PDRG1: variants seen among roughly 807,000 people sequenced by gnomAD.
PDRG1 encodes p53 and DNA damage regulated 1, also known as p53 and DNA damage-regulated protein 1.
PDRG1 carries 14 observed loss-of-function variants against 18.4 expected under a neutral mutation model. The observed-to-expected ratio is 0.76, with a 90% CI of 0.50 to 1.19. The LOEUF is 1.19. Among genes scored for constraint, PDRG1 ranks in the 50% most tolerant of loss-of-function variants. The pLI is 0.00. For missense variants in PDRG1, 177 were observed against 160.1 expected, an observed-to-expected ratio of 1.11 and a Z score of -0.57; for synonymous variants, 65 against 60.9, an observed-to-expected ratio of 1.07 and a Z score of -0.31.
At chr20:31,950,824 G>A (rs1339100294) in intron 1 of PDRG1, among the ~76,000 whole-genome samples, 1 of 152,174 alleles carries the variant, frequency 6.6e-6, no homozygotes, top group East Asian at 1.9e-4. Flanking sequence ...CACTGAGACA[G>A]TGGTAACAAC....
chr20:31,945,110 A>G lies in PDRG1; in HGVS notation c.*697T>C, dbSNP rs970995609. 1 of 152,290 alleles carries G rather than the reference A, an allele frequency of 6.6e-6. No individual in the cohort carries two copies. The highest frequency in any genetic ancestry group is 2.4e-5 in the African/African-American group (1 of 41,462). 9.4% of individuals were successfully genotyped at this position (152,290 alleles called of 1,614,324 possible). On this transcript the variant is annotated 3_prime_UTR_variant, in exon 5 of 5. Transcript: ENST00000202017. The stretch of plus-strand genomic sequence containing the variant: ...CCACTTTCAGAGGGGGCGGAAGGGC[A>G]TCTTGACACGTGTCATATGGTAAGA...
In PDRG1 at chr20:31,948,637, T is replaced by C. The variant is rs61146067; in HGVS notation, c.238+171A>G. 7.0e-4 allele frequency among the ~76,000 whole-genome samples: 107 copies of C among 152,282 alleles called. No individual in the cohort carries two copies. In the East Asian group the frequency reaches 0.014, roughly 20 times the overall value. ...CACAGATGCATCCCCCTCTTAGAGA[T>C]GAGGAAATAACCCACAGTGGCAGAG... On this transcript the variant is annotated intron_variant, in intron 3 of 4. Coordinates refer to ENST00000202017, the MANE Select transcript of PDRG1 (RefSeq NM_030815.3).
In PDRG1 at chr20:31,952,019, C is replaced by T. The variant is rs1337677386; in HGVS notation, c.-58G>A. The stretch of plus-strand genomic sequence containing the variant: ...CGACCCCGGGATCTCCGCTTCGACT[C>T]CCGCTGCGCACGCGCCGCTCTCTAG... On this transcript the variant is annotated 5_prime_UTR_variant, in exon 1 of 5. Transcript: ENST00000202017. 6.1e-6 allele frequency: 9 copies of T among 1,485,282 alleles called. No individual in the cohort carries two copies. The highest frequency in any genetic ancestry group is 5.3e-5 in the South Asian group (4 of 74,784). 92.0% of individuals were successfully genotyped at this position (1,485,282 alleles called of 1,614,324 possible).
Position 31,945,885 on chromosome 20 carries a change from T to C in PDRG1, c.324A>G (p.Lys108=), listed in dbSNP as rs757750839. 1 of 1,613,270 alleles carries C rather than the reference T, an allele frequency of 6.2e-7. No individual in the cohort carries two copies. Among genetic ancestry groups the C allele is most frequent in the Non-Finnish European group, 8.5e-7 (1 of 1,179,760 alleles). ...KVNRLFEAQG[K]PELKGFNLNP... is the part of the protein sequence containing the mutation. The stretch of plus-strand genomic sequence containing the variant: ...TCAAGTTAAAACCCTTCAGCTCCGG[T>C]TTGCCTAGGAGAGAAGATGATCCAT... Residue 108 remains lysine (K), a synonymous_variant, in exon 5 of 5, where the codon AAA becomes AAG. Transcript: ENST00000202017.
At chr20:31,947,735 C>G (rs1438392205) in intron 3 of PDRG1, among the ~76,000 whole-genome samples, 2 of 152,034 alleles carry the variant, frequency 1.3e-5, no homozygotes, top group African/African-American at 2.4e-5. Context: ...TAAAAAAACA[C>G]AAAAATTAGC....
At chr20:31,951,514 C>T (rs1422402446) in intron 1 of PDRG1, among the ~76,000 whole-genome samples, 1 of 152,174 alleles carries the variant, frequency 6.6e-6, no homozygotes, top group Non-Finnish European at 1.5e-5. Flanking sequence ...CACCCCTGCC[C>T]GGTCACAAGG....
intron 3 of PDRG1, among the ~76,000 whole-genome samples, 181 bp downstream of exon 3, chr20:31,948,627 C>G (rs575232438): frequency 6.6e-6 from 1 of 152,360 alleles, no homozygotes; most frequent in African/African-American, 2.4e-5. Flanking sequence ...ATGCATCCCC[C>G]TCTTAGAGAT....
At chr20:31,949,247 A>G (rs936342484) in intron 2 of PDRG1, among the ~76,000 whole-genome samples, 1 of 152,212 alleles carries the variant, frequency 6.6e-6, no homozygotes, top group African/African-American at 2.4e-5. Context: ...CAACAGGAAC[A>G]GCAAAGATCA....
chr20:31,949,645 G>T (rs533986671), intron 2 of PDRG1, among the ~76,000 whole-genome samples: 3 of 151,844 alleles, frequency 2.0e-5, no homozygotes, highest in Non-Finnish European at 4.4e-5. Context: ...TTGGGGGTGG[G>T]GGGAGTAGAG....
chr20:31,945,620 G>C lies in PDRG1; in HGVS notation c.*187C>G, dbSNP rs368274539. 2.0e-5 allele frequency: 10 copies of C among 510,948 alleles called. No individual in the cohort carries two copies. Among genetic ancestry groups the C allele is most frequent in the South Asian group, 1.3e-4 (5 of 37,090 alleles). 31.7% of individuals were successfully genotyped at this position (510,948 alleles called of 1,614,324 possible). A position where few individuals can be genotyped will look rare whatever the true frequency, so the allele number is the denominator to read the frequency against. ...CCCTGGTGTCCAGGTCCAGCAGCCA[G>C]ACAGGCTGAAGGTTCCCTCCTGCCA... On this transcript the variant is annotated 3_prime_UTR_variant, in exon 5 of 5. Transcript: ENST00000202017.
chr20:31,946,002 G>T, intron 4 of PDRG1, 113 bp from the exon 5 acceptor site: 2 of 779,422 alleles, frequency 2.6e-6, no homozygotes, highest in Non-Finnish European at 4.2e-6. Context: ...TGGAGGTCTG[G>T]CAGGGATGGG....
At chr20:31,948,957 A>C in intron 2 of PDRG1, 75 bp from the exon 3 acceptor site, 1 of 1,378,910 alleles carries the variant, frequency 7.3e-7, no homozygotes, top group Non-Finnish European at 1.0e-6. Flanking sequence ...TGTTTTAGAT[A>C]CAGACAACAG....
In PDRG1 at chr20:31,951,831, C is replaced by A. The variant is rs968103546; in HGVS notation, c.87+44G>T. The stretch of plus-strand genomic sequence containing the variant: ...CACTGCGACCCCGCGCGCTTTCCCA[C>A]GGCGCCGGCCGCCAGGCCCCAGCGC... On this transcript the variant is annotated intron_variant, in intron 1 of 4. Transcript: ENST00000202017. 3 of 1,522,826 alleles carry A rather than the reference C, an allele frequency of 2.0e-6. No homozygotes were observed. The African/African-American group carries it at 4.2e-5, about 22-fold the overall frequency. 94.3% of individuals were successfully genotyped at this position (1,522,826 alleles called of 1,614,324 possible).
chr20:31,950,406 G>A lies in PDRG1; in HGVS notation c.88-19C>T. 1.3e-6 allele frequency: 2 copies of A among 1,587,606 alleles called. No individual in the cohort carries two copies. Among genetic ancestry groups the A allele is most frequent in the Non-Finnish European group, 1.7e-6 (2 of 1,155,880 alleles). ...CCACAATCTGAAAACCACAGGGACAGGAGGGAACTCAGCTATCTCTTGCCC... is the reference window on the plus strand; with the variant it reads ...CCACAATCTGAAAACCACAGGGACAAGAGGGAACTCAGCTATCTCTTGCCC... On this transcript the variant is annotated intron_variant, in intron 1 of 4. Transcript: ENST00000202017.
In PDRG1 at chr20:31,948,883, C is replaced by T. The variant is rs754460310; in HGVS notation, c.164-1G>A. On this transcript the variant is annotated splice_acceptor_variant, in intron 2 of 4. Transcript: ENST00000202017. LOFTEE classifies it high-confidence loss of function. ...TTCCCGAAGCAAACCATCACATCTT[C>T]TGAAAGAGCAAATAGTAATTCCTTC... 6.2e-7 allele frequency: 1 copy of T among 1,613,524 alleles called. No individual in the cohort carries two copies. The highest frequency in any genetic ancestry group is 2.2e-5 in the East Asian group (1 of 44,866).
intron 1 of PDRG1, among the ~76,000 whole-genome samples, chr20:31,951,133 A>G (rs888067796): frequency 1.3e-5 from 2 of 152,148 alleles, no homozygotes; most frequent in African/African-American, 2.4e-5. Context: ...ATCTTGCCCA[A>G]GTTTTCCCCT....
At chr20:31,951,214 G>A (rs1307367874) in intron 1 of PDRG1, among the ~76,000 whole-genome samples, 1 of 151,984 alleles carries the variant, frequency 6.6e-6, no homozygotes, top group Non-Finnish European at 1.5e-5. Flanking sequence ...CCACTACCAC[G>A]GCCTACTGAG....
chr20:31,945,013 G>T lies in PDRG1; in HGVS notation c.*794C>A, dbSNP rs757044856. 6.6e-6 allele frequency: 1 copy of T among 152,202 alleles called. No individual in the cohort carries two copies. The highest frequency in any genetic ancestry group is 1.5e-5 in the Non-Finnish European group (1 of 68,050). The allele number at this position is 152,202 out of a possible 1,614,324, so 9.4% of individuals were successfully genotyped here. ...CCCTTAATGAACACATAAGAGTTTT[G>T]ACTTCACGGCAGTTCATACTGGGAC... On this transcript the variant is annotated 3_prime_UTR_variant, in exon 5 of 5. Transcript: ENST00000202017.
chr20:31,945,846 C>G lies in PDRG1; in HGVS notation c.363G>C (p.Gln121His). The change falls in exon 5 of 5, where the codon CAG becomes CAC. Residue 121 changes from glutamine to histidine, a missense_variant. Coordinates refer to ENST00000202017, the MANE Select transcript of PDRG1 (RefSeq NM_030815.3). ...TGACCTTGAGAGCTTTAAGCTCATC[C>G]TGGTTGAGGGGGTTCAAGTTAAAAC... ...LKGFNLNPLN[Q>H]DELKALKVIL... 6.2e-7 allele frequency: 1 copy of G among 1,614,030 alleles called. No homozygotes were observed. The highest frequency in any genetic ancestry group is 1.1e-5 in the South Asian group (1 of 91,066).
Sources: gnomAD v4.1 joint callset for allele counts (sites outside exome capture counted in the v4.1 genomes callset) on GRCh38, gnomAD v4.1.1 for gene constraint, MANE v1.5 for transcripts, NCBI Gene and HGNC (gene_info 2026-07-23, HGNC 2026-07-21) for gene names.